The following ZBTB25 variants were observed in gnomAD, a reference collection of about 807,000 sequenced individuals.
ZBTB25 encodes zinc finger and BTB domain containing 25.
Under a neutral mutation model 34.2 loss-of-function variants are expected in ZBTB25, and 20 were observed. The observed-to-expected ratio is 0.58, with a 90% CI of 0.41 to 0.85. The LOEUF (loss-of-function observed/expected upper bound fraction) is 0.85. ZBTB25 is among the 40% of genes least tolerant of loss of function. ZBTB25 has a pLI of 0.00. For missense variants in ZBTB25, 437 were observed against 521.8 expected, an observed-to-expected ratio of 0.84 and a Z score of 1.58; for synonymous variants, 175 against 186.4, an observed-to-expected ratio of 0.94 and a Z score of 0.50.
chr14:64,451,151 C>T (rs966471969), intron 2 of ZBTB25, among the ~76,000 whole-genome samples: 3 of 151,866 alleles, frequency 2.0e-5, no homozygotes, highest in East Asian at 3.9e-4. Context: ...GCAACAAGTG[C>T]GAAACTTCGT....
chr14:64,500,475 A>AAAAAAACAAAAAG (rs35009526), intron 1 of ZBTB25, among the ~76,000 whole-genome samples: 1 of 70,526 alleles, frequency 1.4e-5, no homozygotes, highest in Non-Finnish European at 3.1e-5. Context: ...AAAAAAAAAA[A>AAAAAAACAAAAAG]AGAGAGAGAG....
At chr14:64,504,863 C>T (rs1306126359), upstream of ZBTB25, 3 of 397,270 alleles carry the variant, frequency 7.6e-6, no homozygotes, top group Admixed American at 8.9e-5. Flanking sequence ...AGCTCGCGGC[C>T]CCTTCGCCTT....
chr14:64,492,175 G>C (rs1339817015), intron 1 of ZBTB25, among the ~76,000 whole-genome samples: 1 of 140,144 alleles, frequency 7.1e-6, no homozygotes, highest in East Asian at 2.2e-4. Context: ...TTAATGTACT[G>C]ATGTGGAATA....
rs908951691 is a variant in ZBTB25 at position 64,503,316 on chromosome 14, G to A, written c.-8+345C>T. On this transcript the variant is annotated intron_variant, in intron 1 of 2. Transcript: ENST00000608382. Reference sequence around the variant, plus strand: ...GAGGGGTCGGCGCTACCCGAGGGAGGCCGCAGGCCTACTGGGGTTTCCTGC... The same window carrying A: ...GAGGGGTCGGCGCTACCCGAGGGAGACCGCAGGCCTACTGGGGTTTCCTGC... 6 of 985,306 alleles carry A rather than the reference G, an allele frequency of 6.1e-6. No homozygotes were observed. The African/African-American group carries it at 1.0e-4, about 17-fold the overall frequency. 61.0% of individuals were successfully genotyped at this position (985,306 alleles called of 1,614,324 possible).
In ZBTB25 at chr14:64,479,166, G is replaced by T. The variant is rs1291883783; in HGVS notation, c.*7757C>A. 6.6e-6 allele frequency: 1 copy of T among 151,908 alleles called. No homozygotes were observed. The highest frequency in any genetic ancestry group is 2.4e-5 in the African/African-American group (1 of 41,332). 9.4% of individuals were successfully genotyped at this position (151,908 alleles called of 1,614,324 possible). ...ACTAGAATAGAAATCCCCCAAATTG[G>T]GTTTCTTTGTATTCTTTTATTCCTG... On this transcript the variant is annotated 3_prime_UTR_variant, in exon 3 of 3. Coordinates refer to ENST00000608382, the MANE Select transcript of ZBTB25 (RefSeq NM_006977.5).
intron 2 of ZBTB25, among the ~76,000 whole-genome samples, chr14:64,452,226 C>T (rs138098400): frequency 3.4e-4 from 52 of 152,274 alleles, no homozygotes; most frequent in African/African-American, 1.2e-3. Flanking sequence ...ACCCGGGAGG[C>T]GGAGGTTGCA....
chr14:64,468,481 G>A (rs751490124), intron 2 of ZBTB25: 1 of 1,614,110 alleles, frequency 6.2e-7, no homozygotes, highest in Non-Finnish European at 8.5e-7. Context: ...AAAGGCAGAA[G>A]GAAAAGGCAT....
At chr14:64,449,607 C>T in exon 3 of ZBTB25, 2 of 1,614,082 alleles carry the variant, frequency 1.2e-6, no homozygotes, top group South Asian at 2.2e-5. Context: ...GCTTCCAGCT[C>T]CTTTATGACC....
chr14:64,487,101 CTG>C lies in ZBTB25; in HGVS notation c.1128_1129del (p.Tyr376Ter), dbSNP rs762847055. ...ACCAAACCTTTGGCATCGGTTATAT[CTG>C]TAAGATTTACCTTTGTGTGTATACA... On this transcript the variant is annotated stop_gained and frameshift_variant, in exon 3 of 3. Coordinates refer to ENST00000608382, the MANE Select transcript of ZBTB25 (RefSeq NM_006977.5). LOFTEE classifies it high-confidence loss of function. 23 of 1,614,236 alleles carry C rather than the reference CTG, an allele frequency of 1.4e-5. No homozygotes were observed. Among genetic ancestry groups the C allele is most frequent in the Non-Finnish European group, 1.9e-5 (22 of 1,180,048 alleles).
chr14:64,465,933 C>G (rs2078608555), intron 2 of ZBTB25, among the ~76,000 whole-genome samples: 2 of 152,206 alleles, frequency 1.3e-5, no homozygotes, highest in Non-Finnish European at 1.5e-5. Context: ...ATTCTGCAGA[C>G]AGCCTGAAGC....
rs1246798512 is a variant in ZBTB25 at position 64,484,553 on chromosome 14, T to C, written c.*2370A>G. 6.6e-6 allele frequency: 1 copy of C among 152,222 alleles called. No individual in the cohort carries two copies. The highest frequency in any genetic ancestry group is 1.5e-5 in the Non-Finnish European group (1 of 68,102). The allele number at this position is 152,222 out of a possible 1,614,324, so 9.4% of individuals were successfully genotyped here. A position where few individuals can be genotyped will look rare whatever the true frequency, so the allele number is the denominator to read the frequency against. On this transcript the variant is annotated 3_prime_UTR_variant, in exon 3 of 3. Coordinates refer to ENST00000608382, the MANE Select transcript of ZBTB25 (RefSeq NM_006977.5). ...AAAATTAGCTGGGTATGGTGGTGCA[T>C]GCCTGTAATCCCAAGCTACTTGGGA...
intron 1 of ZBTB25, among the ~76,000 whole-genome samples, chr14:64,499,739 A>T (rs151311253): frequency 1.3e-5 from 2 of 152,314 alleles, no homozygotes; most frequent in African/African-American, 4.8e-5. Context: ...ATTTCATAAC[A>T]CCTAAAAATG....
In ZBTB25 at chr14:64,480,197, C is replaced by T. The variant is rs1323689864; in HGVS notation, c.*6726G>A. 1 of 245,264 alleles carries T rather than the reference C, an allele frequency of 4.1e-6. No individual in the cohort carries two copies. Among genetic ancestry groups the T allele is most frequent in the Non-Finnish European group, 8.2e-6 (1 of 121,552 alleles). 15.2% of individuals were successfully genotyped at this position (245,264 alleles called of 1,614,324 possible). ...AATTAGCCGAGTGTAGTGGTGGGAA[C>T]CTGTAATCTCAGCTACTCGGGAGGC... On this transcript the variant is annotated 3_prime_UTR_variant, in exon 3 of 3. Coordinates refer to ENST00000608382, the MANE Select transcript of ZBTB25 (RefSeq NM_006977.5).
In ZBTB25 at chr14:64,486,002, T is replaced by G. The variant is rs867161610; in HGVS notation, c.*921A>C. The G allele has an allele frequency of 1.2e-5, 12 of 984,570 alleles. No individual in the cohort carries two copies. In the African/African-American group the frequency reaches 2.1e-4, roughly 17 times the overall value. 61.0% of individuals were successfully genotyped at this position (984,570 alleles called of 1,614,324 possible). On this transcript the variant is annotated 3_prime_UTR_variant, in exon 3 of 3. Transcript: ENST00000608382. ...TAATGTCTCTCTGACTCTTCTCCCT[T>G]TAACTGTTTTTTTTATTAAAAATGA... is the stretch of plus-strand genomic sequence containing the variant.
At chr14:64,455,051 C>G in intron 2 of ZBTB25, 1 of 668,896 alleles carries the variant, frequency 1.5e-6, no homozygotes, top group South Asian at 1.7e-5. Context: ...CTATATAGCT[C>G]TTGCTGTGGA....
At chr14:64,449,933 C>T (rs1184308460) in intron 2 of ZBTB25, among the ~76,000 whole-genome samples, 3 of 152,200 alleles carry the variant, frequency 2.0e-5, no homozygotes, top group Non-Finnish European at 4.4e-5. Flanking sequence ...GGATTACAGG[C>T]GTCTGCCACC....
rs988121015 is a variant in ZBTB25 at position 64,468,755 on chromosome 14, G to A, written c.174-19117C>T. ...GGATGCTGATCTTTCTAAGAAAAAG[G>A]CAAAATCTAGACTTAAGATTCCCTG... On this transcript the variant is annotated intron_variant, in intron 2 of 2. Coordinates refer to the ZBTB25 transcript ENST00000555220. The A allele has an allele frequency of 2.5e-6, 4 of 1,614,046 alleles. No homozygotes were observed. In the African/African-American group the frequency reaches 5.3e-5, roughly 22 times the overall value.
At chr14:64,504,880 C>T (rs1566627354), upstream of ZBTB25, 3 of 396,778 alleles carry the variant, frequency 7.6e-6, no homozygotes, top group South Asian at 3.8e-4. Context: ...CCTTCGCCCG[C>T]CTTTCCCGCG....
chr14:64,454,737 C>T, intron 2 of ZBTB25: 1 of 1,613,846 alleles, frequency 6.2e-7, no homozygotes, highest in Non-Finnish European at 8.5e-7. Context: ...TTGGGAATCT[C>T]CCCATCTGCA....
Sources: allele counts gnomAD v4.1 joint callset (sites outside exome capture counted in the v4.1 genomes callset), GRCh38; gene constraint gnomAD v4.1.1; transcripts MANE v1.5; gene names NCBI Gene and HGNC (gene_info 2026-07-23, HGNC 2026-07-21).